The following AFDN variants were observed in gnomAD, a reference collection of about 807,000 sequenced individuals.
AFDN encodes the protein afadin, adherens junction formation factor.
AFDN carries 68 observed loss-of-function variants against 216.6 expected under a neutral mutation model. The ratio of observed to expected loss-of-function variants is 0.31; its 90% confidence interval spans 0.26 to 0.38. AFDN has a LOEUF of 0.38. Among genes scored for constraint, AFDN ranks in the 10% least tolerant of loss-of-function variants. The probability of loss-of-function intolerance (pLI) is 1.00; values close to 1 mark genes in which losing one functional copy is unlikely to be tolerated. For missense variants in AFDN, 2,136 were observed against 2,342.0 expected (o/e 0.91, Z 1.82); for synonymous variants, 868 against 853.7 (o/e 1.02, Z -0.29).
Position 167,872,478 on chromosome 6 carries a change from G to C in AFDN, c.578+101G>C. 5.4e-6 allele frequency: 7 copies of C among 1,290,450 alleles called. No individual in the cohort carries two copies. In the South Asian group the frequency reaches 8.6e-5, roughly 16 times the overall value. The allele number at this position is 1,290,450 out of a possible 1,614,324, so 79.9% of individuals were successfully genotyped here. On this transcript the variant is annotated intron_variant, in intron 4 of 33. Transcript: ENST00000683244. ...TTTTCAGATAAATTATGGAAAGGAT[G>C]AGTATCAGTCAGGAAATGTGTTTGG...
intron 15 of AFDN, 118 bp from the exon 16 acceptor site, chr6:167,913,285 T>TGTC: frequency 1.0e-6 from 1 of 952,418 alleles, no homozygotes; most frequent in Admixed American, 2.1e-5. Context: ...CATAACTAAA[T>TGTC]GTCGTACCTT....
chr6:167,909,059 A>G (rs1790066969), intron 13 of AFDN, among the ~76,000 whole-genome samples: 1 of 152,160 alleles, frequency 6.6e-6, no homozygotes, highest in Non-Finnish European at 1.5e-5. Context: ...TAATTGGTAA[A>G]GTTTACTCAG....
At chr6:167,952,242 G>A (rs770321441) in intron 30 of AFDN, 55 bp downstream of exon 30, 1 of 1,612,782 alleles carries the variant, frequency 6.2e-7, no homozygotes, top group Non-Finnish European at 8.5e-7. Flanking sequence ...TTTAGCTTCT[G>A]CGTGTTTCCC....
intron 2 of AFDN, among the ~76,000 whole-genome samples, chr6:167,866,374 A>G (rs2128234423): frequency 6.6e-6 from 1 of 152,246 alleles, no homozygotes; most frequent in South Asian, 2.1e-4. Flanking sequence ...AAGCCCTAGC[A>G]TGCAGGTTCT....
chr6:167,914,079 ATCTT>A, intron 16 of AFDN, 85 bp from the exon 17 acceptor site: 1 of 1,446,270 alleles, frequency 6.9e-7, no homozygotes, highest in African/African-American at 1.4e-5. Context: ...GTACTGGTCT[ATCTT>A]CAGCAGCTTT....
chr6:167,855,668 A>G (rs1322649916), intron 1 of AFDN, among the ~76,000 whole-genome samples: 3 of 152,040 alleles, frequency 2.0e-5, no homozygotes, highest in Admixed American at 6.6e-5. Context: ...ACTGTGGTTG[A>G]TTTTTCTCGG....
Position 167,914,704 on chromosome 6 carries a change from C to T in AFDN, c.2265C>T (p.Asp755=), listed in dbSNP as rs1790820494. The T allele has an allele frequency of 1.2e-6, 2 of 1,613,498 alleles. No homozygotes were observed. The highest frequency in any genetic ancestry group is 1.7e-6 in the Non-Finnish European group (2 of 1,179,544). Residue 755 remains aspartate (D), a synonymous_variant, in exon 18 of 34, where the codon GAC becomes GAT. Coordinates refer to ENST00000683244, the MANE Select transcript of AFDN (RefSeq NM_001386888.1). ...LNNYMPAFLD[D]PEENSLQRPK... ...ATTACATGCCAGCCTTTCTAGATGA[C>T]CCTGAAGAGAACAGTCTGCAACGAC...
intron 1 of AFDN, among the ~76,000 whole-genome samples, chr6:167,847,366 A>G (rs1327535943): frequency 6.6e-6 from 1 of 152,174 alleles, no homozygotes; most frequent in Non-Finnish European, 1.5e-5. Context: ...CTTCAGCCCC[A>G]TATAGCCAGT....
chr6:167,880,898 AT>A, intron 6 of AFDN, among the ~76,000 whole-genome samples: 1 of 152,286 alleles, frequency 6.6e-6, no homozygotes, highest in East Asian at 1.9e-4. Flanking sequence ...TATGTAAAGT[AT>A]GTGCCAATTT....
chr6:167,947,857 G>GTC lies in AFDN; in HGVS notation c.3558_3559insTC (p.Pro1187SerfsTer19). On this transcript the variant is annotated frameshift_variant, in exon 28 of 34. Transcript: ENST00000683244. LOFTEE classifies it high-confidence loss of function. ...TTTCCCCCCTGACTTGAGCAGATCAGCCTCCTAGTCCTGGAGGGAAAAGTG... is the reference window on the plus strand; with the variant it reads ...TTTCCCCCCTGACTTGAGCAGATCAGTCCCTCCTAGTCCTGGAGGGAAAAGTG... 1 of 1,608,902 alleles carries GTC rather than the reference G, an allele frequency of 6.2e-7. No individual in the cohort carries two copies. Among genetic ancestry groups the GTC allele is most frequent in the South Asian group, 1.1e-5 (1 of 90,862 alleles).
Position 167,952,249 on chromosome 6 carries a change from T to G in AFDN, c.4833+62T>G, listed in dbSNP as rs763374181. ...GTCCCTATTTTAGCTTCTGCGTGTT[T>G]CCCATGGGGATAGCTAGGCCCCTGA... On this transcript the variant is annotated intron_variant, in intron 30 of 33. Coordinates refer to ENST00000683244, the MANE Select transcript of AFDN (RefSeq NM_001386888.1). 4.3e-6 allele frequency: 7 copies of G among 1,612,044 alleles called. No individual in the cohort carries two copies. The East Asian group carries it at 1.3e-4, about 31-fold the overall frequency.
Position 167,880,442 on chromosome 6 carries a change from A to C in AFDN, c.822A>C (p.Ala274=). The change falls in exon 6 of 34, where the codon GCA becomes GCC. Residue 274 remains alanine, a synonymous_variant. Coordinates refer to ENST00000683244, the MANE Select transcript of AFDN (RefSeq NM_001386888.1). ...KTILLSTTDP[A]DFAVAEALEK... ...TCCTGCTGTCTACTACAGATCCTGC[A>C]GACTTTGCTGTGGCTGAAGCTTTAG... The C allele has an allele frequency of 1.9e-6, 3 of 1,613,910 alleles. No homozygotes were observed. The highest frequency in any genetic ancestry group is 2.5e-6 in the Non-Finnish European group (3 of 1,179,806).
chr6:167,872,093 C>A, intron 3 of AFDN, 121 bp from the exon 4 acceptor site: 1 of 896,238 alleles, frequency 1.1e-6, no homozygotes, highest in East Asian at 2.4e-5. Flanking sequence ...CCAGACCTTC[C>A]TGTGTTTCAG....
intron 1 of AFDN, among the ~76,000 whole-genome samples, chr6:167,832,147 A>G (rs574265321): frequency 2.6e-5 from 4 of 152,332 alleles, no homozygotes; most frequent in Non-Finnish European, 5.9e-5. Flanking sequence ...GATCAAATGT[A>G]TCTGTCTGAC....
intron 27 of AFDN, among the ~76,000 whole-genome samples, chr6:167,947,153 G>A (rs1583006027): frequency 6.6e-6 from 1 of 150,972 alleles, no homozygotes; most frequent in South Asian, 2.1e-4. Flanking sequence ...AAATTACCAA[G>A]AGAAACTAAA....
intron 19 of AFDN, among the ~76,000 whole-genome samples, chr6:167,915,695 A>G (rs890483519): frequency 1.3e-5 from 2 of 152,256 alleles, no homozygotes; most frequent in African/African-American, 4.8e-5. Context: ...ATGATTGCTT[A>G]TAGATAAATA....
Position 167,962,841 on chromosome 6 carries a change from A to C in AFDN, c.4968+274A>C. 1 of 1,270,630 alleles carries C rather than the reference A, an allele frequency of 7.9e-7. No homozygotes were observed. 78.7% of individuals were successfully genotyped at this position (1,270,630 alleles called of 1,614,324 possible). A position where few individuals can be genotyped will look rare whatever the true frequency, so the allele number is the denominator to read the frequency against. ...CGTGTGTAGCAGTGAGCCTCTTTGC[A>C]AAGGGTTCGTTTCCTCGGGCACTCA... On this transcript the variant is annotated intron_variant, in intron 31 of 33. Transcript: ENST00000683244. The surrounding 1 kb of genome is among the most constrained non-coding windows in gnomAD (Gnocchi z 5.2).
chr6:167,918,624 G>T (rs1000439087), intron 20 of AFDN, 111 bp from the exon 21 acceptor site: 2 of 907,596 alleles, frequency 2.2e-6, no homozygotes, highest in Non-Finnish European at 3.5e-6. Flanking sequence ...GTGTGTGTGT[G>T]TCTGTGAGAT....
At position 167,970,086 on chromosome 6, in the gene AFDN, T is replaced by C. The variant is rs1797923557; in HGVS notation, c.*151T>C. 1.5e-6 allele frequency: 1 copy of C among 646,220 alleles called. No homozygotes were observed. The highest frequency in any genetic ancestry group is 3.9e-5 in the Admixed American group (1 of 25,932). 40.0% of individuals were successfully genotyped at this position (646,220 alleles called of 1,614,324 possible). A position where few individuals can be genotyped will look rare whatever the true frequency, so the allele number is the denominator to read the frequency against. On this transcript the variant is annotated 3_prime_UTR_variant, in exon 34 of 34. Coordinates refer to ENST00000683244, the MANE Select transcript of AFDN (RefSeq NM_001386888.1). The stretch of plus-strand genomic sequence containing the variant: ...TAAAATTGTTGGGATTTAGAAATGT[T>C]TCAATTCCAAGAAATTTTATTTTAC...
Sources: allele counts gnomAD v4.1 joint callset (sites outside exome capture counted in the v4.1 genomes callset), GRCh38; gene constraint gnomAD v4.1.1; non-coding constraint Gnocchi (gnomAD v3.1); transcripts MANE v1.5; gene names NCBI Gene and HGNC (gene_info 2026-07-23, HGNC 2026-07-21).